DNAH3: variants seen among roughly 807,000 people sequenced by gnomAD.
The protein encoded by DNAH3 is axonemal beta dynein heavy chain 3.
Under a neutral mutation model 432.5 loss-of-function variants are expected in DNAH3, and 332 were observed. That is an observed-to-expected ratio of 0.77 (90% CI 0.70 to 0.84). The LOEUF is 0.84. Ranked by LOEUF, DNAH3 falls within the 40% of genes least tolerant of loss-of-function variation. The pLI is 0.00. For synonymous variants in DNAH3, 1,956 were observed against 1,900.2 expected, an observed-to-expected ratio of 1.03 and a Z score of -0.76; for missense variants, 4,861 against 5,114.0, an observed-to-expected ratio of 0.95 and a Z score of 1.51.
intron 18 of DNAH3, among the ~76,000 whole-genome samples, chr16:21,095,749 A>G (rs1272952406): frequency 6.6e-6 from 1 of 152,188 alleles, no homozygotes; most frequent in Non-Finnish European, 1.5e-5. Flanking sequence ...TTTCTAATAA[A>G]AACACTTGGT....
exon 35 of DNAH3, chr16:21,036,716 G>T: frequency 6.2e-7 from 1 of 1,613,810 alleles, no homozygotes. Flanking sequence ...GAACCAACCT[G>T]GATAATTTTC....
chr16:21,024,565 G>T, intron 39 of DNAH3, 31 bp downstream of exon 39: 1 of 1,504,208 alleles, frequency 6.6e-7, no homozygotes, highest in South Asian at 1.2e-5. Flanking sequence ...GGAGACAGCA[G>T]GAGGGGAAGG....
At chr16:21,023,864 A>G (rs939521901) in intron 39 of DNAH3, among the ~76,000 whole-genome samples, 1 of 151,660 alleles carries the variant, frequency 6.6e-6, no homozygotes, top group Admixed American at 6.6e-5. Flanking sequence ...TGCACTTTAC[A>G]TATTATCCAT....
chr16:21,159,314 C>G (rs1290564792), intron 1 of DNAH3: 1 of 1,610,006 alleles, frequency 6.2e-7, no homozygotes, highest in East Asian at 2.2e-5. Flanking sequence ...GGACGCGGAC[C>G]CCCTCTCCAC....
At chr16:21,146,842 C>A (rs990097011) in intron 1 of DNAH3, among the ~76,000 whole-genome samples, 2 of 151,480 alleles carry the variant, frequency 1.3e-5, no homozygotes, top group African/African-American at 4.9e-5. Flanking sequence ...CTCAATGCAA[C>A]CTCTGCCTCC....
In DNAH3 at chr16:21,011,126, T is replaced by C. The variant is rs540865267; in HGVS notation, c.6023-7919A>G. 9.2e-5 allele frequency among the ~76,000 whole-genome samples: 14 copies of C among 152,098 alleles called. No homozygotes were observed. The East Asian group carries it at 9.7e-4, about 11-fold the overall frequency. On this transcript the variant is annotated intron_variant, in intron 41 of 61. Transcript: ENST00000261383. ...AGTGGGAGCTGTGCACATCACATCA[T>C]TGACTCTCTAGCTGCAGAAGGAAAG...
chr16:20,964,652 A>G (rs751856261), exon 53 of DNAH3: 8 of 1,614,064 alleles, frequency 5.0e-6, no homozygotes, highest in African/African-American at 2.7e-5. Flanking sequence ...ATTAAGGCCC[A>G]GCGTCTGGAA....
At chr16:20,980,200 ATATT>A (rs1192678733) in intron 49 of DNAH3, among the ~76,000 whole-genome samples, 3,512 of 127,654 alleles carry the variant, frequency 0.028, 175 homozygotes, top group African/African-American at 0.097. Context: ...ATTTTATTAT[ATATT>A]TATTTATATT....
chr16:21,118,803 T>A, intron 11 of DNAH3, among the ~76,000 whole-genome samples: 1 of 152,130 alleles, frequency 6.6e-6, no homozygotes, highest in East Asian at 1.9e-4. Context: ...AACTCCCTCA[T>A]GGCACGTGTG....
intron 24 of DNAH3, among the ~76,000 whole-genome samples, chr16:21,063,446 G>C (rs1407600288): frequency 6.7e-6 from 1 of 149,800 alleles, no homozygotes; most frequent in Admixed American, 6.6e-5. Flanking sequence ...TACATGCAGA[G>C]GCCTCTACCA....
At chr16:20,962,012 T>G (rs75267833) in intron 53 of DNAH3, among the ~76,000 whole-genome samples, 1 of 151,630 alleles carries the variant, frequency 6.6e-6, no homozygotes, top group Admixed American at 6.6e-5. Context: ...AATACAAAAA[T>G]TAGCCAGACG....
intron 56 of DNAH3, among the ~76,000 whole-genome samples, chr16:20,949,874 T>C (rs1333521773): frequency 6.6e-6 from 1 of 152,134 alleles, no homozygotes; most frequent in Non-Finnish European, 1.5e-5. Flanking sequence ...CGGCAGGCAG[T>C]TGGTTTATGG....
chr16:21,137,691 G>A (rs1384951996), intron 5 of DNAH3, among the ~76,000 whole-genome samples: 4 of 151,950 alleles, frequency 2.6e-5, no homozygotes, highest in East Asian at 3.9e-4. Flanking sequence ...CCAAAGTGCT[G>A]GAATTATAGG....
chr16:20,952,517 C>T lies in DNAH3; in HGVS notation c.11104G>A (p.Asp3702Asn), dbSNP rs185222427. Residue 3702 changes from aspartate to asparagine, a missense_variant, in exon 56 of 62, where the codon GAC becomes AAC. Asp to Asn is a conservative substitution (Grantham distance 23). Transcript: ENST00000261383. The stretch of plus-strand genomic sequence containing the variant: ...ATCTGCCACATACTAATCCTCAGGT[C>T]AGATTCGTTGAATTCATAGGGAATA... 7.9e-5 allele frequency: 128 copies of T among 1,613,052 alleles called. No individual in the cohort carries two copies. Among genetic ancestry groups the T allele is most frequent in the Non-Finnish European group, 1.0e-4 (119 of 1,179,140 alleles).
At chr16:21,046,503 C>A (rs1170275476) in intron 31 of DNAH3, among the ~76,000 whole-genome samples, 1 of 151,830 alleles carries the variant, frequency 6.6e-6, no homozygotes, top group African/African-American at 2.4e-5. Context: ...GCAACCCCTG[C>A]CTTTTTTTGT....
At chr16:21,053,094 G>C (rs947042199) in intron 28 of DNAH3, among the ~76,000 whole-genome samples, 2 of 152,186 alleles carry the variant, frequency 1.3e-5, no homozygotes, top group African/African-American at 4.8e-5. Context: ...GGAGATCTCA[G>C]AGCTAGTACA....
intron 19 of DNAH3, among the ~76,000 whole-genome samples, chr16:21,084,648 AT>A (rs1367676581): frequency 1.3e-5 from 2 of 151,842 alleles, no homozygotes; most frequent in African/African-American, 2.4e-5. Flanking sequence ...AAATTAATTA[AT>A]TTTTTAAATA....
chr16:21,048,701 C>G (rs2089826314), intron 31 of DNAH3, among the ~76,000 whole-genome samples: 1 of 151,726 alleles, frequency 6.6e-6, no homozygotes, highest in Admixed American at 6.6e-5. Context: ...TGGCTCCTCC[C>G]TCCTTTTTTT....
At chr16:20,941,485 A>G (rs2083807271) in exon 59 of DNAH3, 1 of 1,614,196 alleles carries the variant, frequency 6.2e-7, no homozygotes, top group Non-Finnish European at 8.5e-7. Flanking sequence ...GACCTCTTCC[A>G]GGTCAAAGTC....
Sources: allele counts gnomAD v4.1 joint callset (sites outside exome capture counted in the v4.1 genomes callset), GRCh38; gene constraint gnomAD v4.1.1; transcripts MANE v1.5; gene names NCBI Gene and HGNC (gene_info 2026-07-23, HGNC 2026-07-21).